The following FNDC3B variants were observed in gnomAD, a reference collection of about 807,000 sequenced individuals.
FNDC3B encodes the protein fibronectin type III domain-containing protein 3B.
A neutral mutation model predicts 151.5 loss-of-function variants in FNDC3B; 12 were observed. The observed-to-expected ratio is 0.08, with a 90% CI of 0.05 to 0.13. The LOEUF is 0.13. Among genes scored for constraint, FNDC3B ranks in the 10% least tolerant of loss-of-function variants. The pLI, the probability that FNDC3B is intolerant of heterozygous loss-of-function variation, is 1.00. For synonymous variants in FNDC3B, 528 were observed against 549.0 expected (o/e 0.96, Z 0.54); for missense variants, 1,214 against 1,505.3 (o/e 0.81, Z 3.20).
At chr3:172,273,430 C>T (rs748227968) in intron 6 of FNDC3B, among the ~76,000 whole-genome samples, 6 of 152,336 alleles carry the variant, frequency 3.9e-5, no homozygotes, top group South Asian at 2.1e-4. Context: ...GCTCCCTGCT[C>T]CCTGTATATT....
rs113419739 is a variant in FNDC3B at position 172,344,009 on chromosome 3, C to T, written c.2078-77C>T. Reference sequence around the variant, plus strand: ...GCCACCTATGTGATATTTTGCTCAACTTGTGTGAAATCTGGTGCACTTTGG... The same window carrying T: ...GCCACCTATGTGATATTTTGCTCAATTTGTGTGAAATCTGGTGCACTTTGG... On this transcript the variant is annotated intron_variant, in intron 18 of 25. Coordinates refer to ENST00000415807, the MANE Select transcript of FNDC3B (RefSeq NM_022763.4). The T allele has an allele frequency of 1.7e-3, 2,442 of 1,399,500 alleles. 31 individuals are homozygous for T. The African/African-American group carries it at 0.03, about 17-fold the overall frequency. The allele number at this position is 1,399,500 out of a possible 1,614,324, so 86.7% of individuals were successfully genotyped here.
At chr3:172,290,883 T>G (rs377545699) in intron 7 of FNDC3B, among the ~76,000 whole-genome samples, 2 of 152,220 alleles carry the variant, frequency 1.3e-5, no homozygotes, top group African/African-American at 2.4e-5. Context: ...AGCCAGTATT[T>G]GTGTGGTAAT....
chr3:172,236,345 A>G (rs546617211), intron 4 of FNDC3B, among the ~76,000 whole-genome samples: 102 of 152,304 alleles, frequency 6.7e-4, no homozygotes, highest in African/African-American at 2.4e-3. Flanking sequence ...TCACCCGTTT[A>G]GCCCACCTTA....
At chr3:172,229,756 A>G (rs745704958) in intron 4 of FNDC3B, among the ~76,000 whole-genome samples, 3 of 152,222 alleles carry the variant, frequency 2.0e-5, no homozygotes, top group Admixed American at 6.5e-5. Context: ...GGAGAGATTC[A>G]TATATATTCT....
At chr3:172,095,362 A>G in intron 1 of FNDC3B, among the ~76,000 whole-genome samples, 1 of 152,200 alleles carries the variant, frequency 6.6e-6, no homozygotes, top group East Asian at 1.9e-4. Context: ...CTGAAACTGA[A>G]AATAGCTTCT....
chr3:172,164,667 G>A (rs572019121), intron 3 of FNDC3B, among the ~76,000 whole-genome samples: 3 of 152,298 alleles, frequency 2.0e-5, no homozygotes, highest in South Asian at 2.1e-4. Flanking sequence ...AGAATTGACC[G>A]AATACTCAGC....
chr3:172,112,815 G>A (rs142461648), intron 2 of FNDC3B, among the ~76,000 whole-genome samples: 1 of 152,304 alleles, frequency 6.6e-6, no homozygotes, highest in African/African-American at 2.4e-5. Context: ...AAAAATGGAT[G>A]ACTTCTGAAG....
At chr3:172,179,641 ATAAGT>A (rs1486511797) in intron 3 of FNDC3B, among the ~76,000 whole-genome samples, 4 of 151,316 alleles carry the variant, frequency 2.6e-5, no homozygotes, top group Non-Finnish European at 4.4e-5. Flanking sequence ...CAATACTTCG[ATAAGT>A]TAAGGTGGGA....
At position 172,105,679 on chromosome 3, in the gene FNDC3B, C is replaced by T. The variant is rs533994698; in HGVS notation, c.-28-6773C>T. On this transcript the variant is annotated intron_variant, in intron 1 of 25. Coordinates refer to ENST00000415807, the MANE Select transcript of FNDC3B (RefSeq NM_022763.4). ...TGTTGCCCACACGGGCCTCGAACTT[C>T]GGAGCTCAAGCAGTCTGTCTGCCTT... 2.0e-5 allele frequency among the ~76,000 whole-genome samples: 3 copies of T among 150,416 alleles called. No homozygotes were observed. The South Asian group carries it at 6.3e-4, about 32-fold the overall frequency.
chr3:172,325,435 A>G (rs1201385726), intron 11 of FNDC3B, among the ~76,000 whole-genome samples: 2 of 152,224 alleles, frequency 1.3e-5, no homozygotes, highest in Admixed American at 1.3e-4. Context: ...ATAAACAATG[A>G]TAAACATTCA....
At chr3:172,153,707 G>C (rs953252483) in intron 3 of FNDC3B, among the ~76,000 whole-genome samples, 6 of 152,198 alleles carry the variant, frequency 3.9e-5, no homozygotes, top group Non-Finnish European at 7.4e-5. Context: ...ACAGTGATTT[G>C]TTTGGCCCTA....
chr3:172,384,625 TTG>T (rs1475228610), intron 25 of FNDC3B, among the ~76,000 whole-genome samples: 1 of 152,240 alleles, frequency 6.6e-6, no homozygotes, highest in African/African-American at 2.4e-5. Context: ...CCACCTGTTC[TTG>T]GAAAAATGTT....
intron 6 of FNDC3B, among the ~76,000 whole-genome samples, chr3:172,256,098 G>C (rs1728325138): frequency 1.3e-5 from 2 of 152,214 alleles, no homozygotes; most frequent in Non-Finnish European, 2.9e-5. Context: ...AGAGAATAAA[G>C]TCTAAACTGC....
At chr3:172,346,144 T>C (rs1427938601) in intron 19 of FNDC3B, 183 bp from the exon 20 acceptor site, 8 of 394,168 alleles carry the variant, frequency 2.0e-5, no homozygotes, top group African/African-American at 1.2e-4. Flanking sequence ...GGACTGTATA[T>C]AGGAGAAAAA....
intron 23 of FNDC3B, among the ~76,000 whole-genome samples, chr3:172,364,320 A>AT (rs1734503022): frequency 6.6e-6 from 1 of 152,154 alleles, no homozygotes; most frequent in Admixed American, 6.5e-5. Context: ...ATGTCTTTTC[A>AT]TTTTTTCCCA....
intron 11 of FNDC3B, 74 bp from the exon 12 acceptor site, chr3:172,328,878 T>C (rs926701929): frequency 2.5e-6 from 3 of 1,185,924 alleles, no homozygotes; most frequent in Non-Finnish European, 3.5e-6. Context: ...TTCAAGATGC[T>C]CCTTCATTTA....
chr3:172,078,519 G>GGGATCCATAGA (rs1718133547), intron 1 of FNDC3B, among the ~76,000 whole-genome samples: 1 of 152,058 alleles, frequency 6.6e-6, no homozygotes, highest in African/African-American at 2.4e-5. Flanking sequence ...GAGGAGCCAG[G>GGGATCCATAGA]CCTGTGACTG....
chr3:172,366,488 A>C (rs926686378), intron 23 of FNDC3B, among the ~76,000 whole-genome samples: 2 of 152,208 alleles, frequency 1.3e-5, no homozygotes, highest in African/African-American at 2.4e-5. Context: ...TGAAAAAAAA[A>C]ACATAGTTTC....
At chr3:172,108,003 A>C (rs1040882758) in intron 1 of FNDC3B, among the ~76,000 whole-genome samples, 38 of 152,230 alleles carry the variant, frequency 2.5e-4, no homozygotes, top group African/African-American at 6.7e-4. Context: ...CCCCGTCTCT[A>C]CTAAAAATAC....
Sources: allele counts gnomAD v4.1 joint callset (sites outside exome capture counted in the v4.1 genomes callset), GRCh38; gene constraint gnomAD v4.1.1; transcripts MANE v1.5; gene names NCBI Gene and HGNC (gene_info 2026-07-23, HGNC 2026-07-21).